Variants in ECE1 observed in about 807,000 individuals in gnomAD.
ECE1 encodes endothelin converting enzyme 1, also known as endothelin-converting enzyme 1.
ECE1 carries 35 observed loss-of-function variants against 98.6 expected under a neutral mutation model. That is an observed-to-expected ratio of 0.35 (90% CI 0.27 to 0.47). The LOEUF (loss-of-function observed/expected upper bound fraction) is 0.47. Ranked by LOEUF, ECE1 falls within the 20% of genes least tolerant of loss-of-function variation. ECE1 has a pLI of 1.00. For missense variants in ECE1, 814 were observed against 1,025.3 expected (o/e 0.79, Z 2.81); for synonymous variants, 394 against 407.1 (o/e 0.97, Z 0.39).
intron 10 of ECE1, among the ~76,000 whole-genome samples, chr1:21,241,135 A>G (rs1055878347): frequency 2.0e-5 from 3 of 151,986 alleles, no homozygotes; most frequent in African/African-American, 7.2e-5. Flanking sequence ...TACTGCTCAC[A>G]GTAAGATTCT....
chr1:21,221,785 G>A lies in ECE1; in HGVS notation c.2098C>T (p.Leu700Phe). Reference sequence around the variant, plus strand: ...AGGAAGAAGAGCTGGTTATTGGTGAGGCCCAGGGTGGGGAGCGAGTGCTCA... The same window carrying A: ...AGGAAGAAGAGCTGGTTATTGGTGAAGCCCAGGGTGGGGAGCGAGTGCTCA... ...GAEHSLPTLG[L>F]TNNQLFFLGF... Residue 700 changes from leucine to phenylalanine, a missense_variant, in exon 18 of 19, where the codon CTC becomes TTC. By Grantham distance (22) the Leu-to-Phe change is conservative. This residue lies in a region of ECE1 where 452 missense variants were observed against 567.3 expected (regional missense o/e 0.80). Coordinates refer to ENST00000374893, the MANE Select transcript of ECE1 (RefSeq NM_001397.3). The A allele has an allele frequency of 6.2e-7, 1 of 1,614,226 alleles. No homozygotes were observed. The highest frequency in any genetic ancestry group is 8.5e-7 in the Non-Finnish European group (1 of 1,180,044).
At chr1:21,246,802 G>A (rs551737840) in intron 9 of ECE1, among the ~76,000 whole-genome samples, 1 of 152,282 alleles carries the variant, frequency 6.6e-6, no homozygotes, top group South Asian at 2.1e-4. Context: ...CTGGGTGACA[G>A]GCACGCGACA....
At chr1:21,330,413 TAG>T (rs1034163005) in intron 1 of ECE1, among the ~76,000 whole-genome samples, 2 of 151,820 alleles carry the variant, frequency 1.3e-5, no homozygotes, top group Non-Finnish European at 2.9e-5. Flanking sequence ...GTATTTTTTG[TAG>T]AGATGGGGTT....
In ECE1 at chr1:21,221,757, C is replaced by T; in HGVS notation, c.2126G>A (p.Gly709Asp). The change falls in exon 18 of 19, where the codon GGC becomes GAC. Residue 709 changes from glycine (G) to aspartate (D), a missense_variant. Around this residue, in one of 3 missense-constraint regions of ECE1, gnomAD observed 452 missense variants for 567.3 expected, o/e 0.80. Coordinates refer to ENST00000374893, the MANE Select transcript of ECE1 (RefSeq NM_001397.3). ...TCCTAATGGACTCACCTGTGCAAAG[C>T]CCAGGAAGAAGAGCTGGTTATTGGT... ...GLTNNQLFFL[G>D]FAQVWCSVRT... is the part of the protein sequence containing the mutation. 1 of 1,614,202 alleles carries T rather than the reference C, an allele frequency of 6.2e-7. No homozygotes were observed. The highest frequency in any genetic ancestry group is 8.5e-7 in the Non-Finnish European group (1 of 1,180,024).
rs1319294915 is a variant in ECE1 at position 21,218,143 on chromosome 1, C to G, written c.*1812G>C. ...TGTGGTCTCAGGGAGGAGACAGACA[C>G]CACAGGCCAGACTGGGTGGAGGAAT... is the stretch of plus-strand genomic sequence containing the variant. On this transcript the variant is annotated 3_prime_UTR_variant, in exon 19 of 19. Transcript: ENST00000374893. This position sits in a 1 kb window ranked among gnomAD's most constrained non-coding sequence, Gnocchi z 4.0. The G allele has an allele frequency of 6.6e-6, 1 of 152,374 alleles. No individual in the cohort carries two copies. The highest frequency in any genetic ancestry group is 1.5e-5 in the Non-Finnish European group (1 of 68,150). 9.4% of individuals were successfully genotyped at this position (152,374 alleles called of 1,614,324 possible). A position where few individuals can be genotyped will look rare whatever the true frequency, so the allele number is the denominator to read the frequency against.
intron 2 of ECE1, chr1:21,279,713 C>A (rs1042099907): frequency 7.5e-7 from 1 of 1,337,046 alleles, no homozygotes; most frequent in Non-Finnish European, 9.6e-7. Flanking sequence ...TCTGCAGAGC[C>A]CCCACATCAG....
chr1:21,257,162 G>A (rs1620011), intron 7 of ECE1, among the ~76,000 whole-genome samples: 2 of 152,196 alleles, frequency 1.3e-5, no homozygotes, highest in Non-Finnish European at 2.9e-5. Flanking sequence ...TAAAAGGCAA[G>A]ACAAAACTAA....
At chr1:21,266,816 A>C (rs932050041) in intron 4 of ECE1, 4 of 152,220 alleles carry the variant, frequency 2.6e-5, no homozygotes, top group African/African-American at 4.8e-5. Flanking sequence ...CTGGAGCCTA[A>C]GCCTTTTCTG....
chr1:21,219,408 G>T lies in ECE1; in HGVS notation c.*547C>A, dbSNP rs1464006992. 6.2e-6 allele frequency: 1 copy of T among 160,328 alleles called. No homozygotes were observed. The highest frequency in any genetic ancestry group is 1.4e-5 in the Non-Finnish European group (1 of 72,492). 9.9% of individuals were successfully genotyped at this position (160,328 alleles called of 1,614,324 possible). On this transcript the variant is annotated 3_prime_UTR_variant, in exon 19 of 19. Transcript: ENST00000374893. The surrounding 1 kb of genome is among the most constrained non-coding windows in gnomAD (Gnocchi z 4.5). ...GCTGTCTGATTTGGAGACTTGCTCT[G>T]TGGCCCAGGGATCCGTGCCTCAGCC... is the stretch of plus-strand genomic sequence containing the variant.
At chr1:21,269,592 A>C (rs1333780686) in intron 4 of ECE1, among the ~76,000 whole-genome samples, 1 of 152,136 alleles carries the variant, frequency 6.6e-6, no homozygotes, top group East Asian at 1.9e-4. Context: ...GTTGGAACTC[A>C]CCTACCACCA....
chr1:21,239,763 T>C (rs1388637520), intron 10 of ECE1, among the ~76,000 whole-genome samples: 2 of 152,046 alleles, frequency 1.3e-5, no homozygotes, highest in Non-Finnish European at 2.9e-5. Context: ...CTTTCTAAAA[T>C]TTTTTATACA....
rs140791949 is a variant in ECE1 at position 21,256,005 on chromosome 1, T to C, written c.962A>G (p.Gln321Arg). 3 of 1,614,058 alleles carry C rather than the reference T, an allele frequency of 1.9e-6. No individual in the cohort carries two copies. Among genetic ancestry groups the C allele is most frequent in the African/African-American group, 2.7e-5 (2 of 75,066 alleles). The change falls in exon 8 of 19, where the codon CAG becomes CGG. Residue 321 changes from glutamine (Q) to arginine (R), a missense_variant. Gln to Arg is a conservative substitution (Grantham distance 43). Coordinates refer to ENST00000374893, the MANE Select transcript of ECE1 (RefSeq NM_001397.3). ...GAGCTCCTCATCACGGCGCTTCTCCTGTGGGATGGTGATGTTGGCCAGTGC... is the reference window on the plus strand; with the variant it reads ...GAGCTCCTCATCACGGCGCTTCTCCCGTGGGATGGTGATGTTGGCCAGTGC... ...ETALANITIP[Q>R]EKRRDEELIY...
chr1:21,256,155 C>G lies in ECE1; in HGVS notation c.829-17G>C. 6.3e-7 allele frequency: 1 copy of G among 1,591,726 alleles called. No homozygotes were observed. The highest frequency in any genetic ancestry group is 1.3e-5 in the African/African-American group (1 of 74,612). Reference sequence around the variant, plus strand: ...GGTCAGCACCTGCAGGGCCCATACCCCAAACTGTCAGTGGCTGCCCCCCCA... The same window carrying G: ...GGTCAGCACCTGCAGGGCCCATACCGCAAACTGTCAGTGGCTGCCCCCCCA... On this transcript the variant is annotated splice_polypyrimidine_tract_variant and intron_variant, in intron 7 of 18. Transcript: ENST00000374893.
At chr1:21,297,149 C>A (rs1013801945) in intron 1 of ECE1, among the ~76,000 whole-genome samples, 1 of 152,366 alleles carries the variant, frequency 6.6e-6, no homozygotes, top group Non-Finnish European at 1.5e-5. Flanking sequence ...CTTGCCTCCA[C>A]ACACACAGCG....
At chr1:21,291,814 G>A (rs2098266836), upstream of ECE1, among the ~76,000 whole-genome samples, 1 of 151,886 alleles carries the variant, frequency 6.6e-6, no homozygotes, top group South Asian at 2.1e-4. Flanking sequence ...GTGACAGAGT[G>A]AGACTCCATC....
chr1:21,227,095 C>T, intron 16 of ECE1, 64 bp downstream of exon 16: 4 of 1,552,676 alleles, frequency 2.6e-6, no homozygotes, highest in Non-Finnish European at 3.6e-6. Flanking sequence ...TGCCCTCAAG[C>T]AATCCTCCTC....
At position 21,225,536 on chromosome 1, in the gene ECE1, C is replaced by T. The variant is rs2098173009; in HGVS notation, c.1850-96G>A. On this transcript the variant is annotated intron_variant, in intron 16 of 18. Coordinates refer to ENST00000374893, the MANE Select transcript of ECE1 (RefSeq NM_001397.3). This position sits in a 1 kb window ranked among gnomAD's most constrained non-coding sequence, Gnocchi z 5.3. ...TCCTGGTGAGAAGCGGTTCATCCGT[C>T]CACCCCCGTCCTCCAGCCACCATGG... is the stretch of plus-strand genomic sequence containing the variant. 2.1e-6 allele frequency: 3 copies of T among 1,406,224 alleles called. No homozygotes were observed. The highest frequency in any genetic ancestry group is 2.9e-6 in the Non-Finnish European group (3 of 1,029,776). The allele number at this position is 1,406,224 out of a possible 1,614,324, so 87.1% of individuals were successfully genotyped here.
At chr1:21,296,031 T>G (rs1349438732) in intron 1 of ECE1, among the ~76,000 whole-genome samples, 1 of 152,080 alleles carries the variant, frequency 6.6e-6, no homozygotes, top group Non-Finnish European at 1.5e-5. Flanking sequence ...TCTGCTTGCT[T>G]CTTCTTGTCT....
chr1:21,312,983 T>C (rs903183510), intron 1 of ECE1, among the ~76,000 whole-genome samples: 5 of 152,212 alleles, frequency 3.3e-5, no homozygotes, highest in Non-Finnish European at 5.9e-5. Flanking sequence ...ATTTTGCAGA[T>C]GCTAAAACTG....
Sources: allele counts gnomAD v4.1 joint callset (sites outside exome capture counted in the v4.1 genomes callset), GRCh38; gene constraint gnomAD v4.1.1; regional missense constraint gnomAD v4.1.1; non-coding constraint Gnocchi (gnomAD v3.1); transcripts MANE v1.5; gene names NCBI Gene and HGNC (gene_info 2026-07-23, HGNC 2026-07-21).